Variants in SCEL observed in about 807,000 individuals in gnomAD.
The protein encoded by SCEL is sciellin.
SCEL carries 113 observed loss-of-function variants against 117.6 expected under a neutral mutation model. That is an observed-to-expected ratio of 0.96 (90% confidence interval 0.83 to 1.12). SCEL has a LOEUF of 1.12. SCEL is among the 50% of genes most tolerant of loss of function. SCEL has a pLI of 0.00. For missense variants in SCEL, 785 were observed against 810.8 expected (o/e 0.97, Z 0.39); for synonymous variants, 270 against 256.2 (o/e 1.05, Z -0.51).
intron 32 of SCEL, among the ~76,000 whole-genome samples, chr13:77,643,684 C>A (rs2090667252): frequency 6.6e-6 from 1 of 152,066 alleles, no homozygotes; most frequent in African/African-American, 2.4e-5. Flanking sequence ...TAATGAGCTA[C>A]TGGGAGACTA....
intron 19 of SCEL, among the ~76,000 whole-genome samples, chr13:77,605,466 A>G (rs2088090657): frequency 6.6e-6 from 1 of 152,204 alleles, no homozygotes. Context: ...CAGTGCGAGC[A>G]GGGAATCCAA....
At chr13:77,577,531 A>G (rs1319069667) in intron 9 of SCEL, among the ~76,000 whole-genome samples, 1 of 152,184 alleles carries the variant, frequency 6.6e-6, no homozygotes, top group Admixed American at 6.5e-5. Flanking sequence ...CATGGGGCTC[A>G]TGGGGACTAC....
chr13:77,577,373 G>A (rs644522), intron 9 of SCEL, among the ~76,000 whole-genome samples: 98,774 of 151,934 alleles, frequency 0.65, 32,581 homozygotes, highest in South Asian at 0.73. Flanking sequence ...TTCACAGGGT[G>A]GCAGGATGGA....
chr13:77,538,966 G>A (rs1301720378), intron 1 of SCEL, among the ~76,000 whole-genome samples: 1 of 152,220 alleles, frequency 6.6e-6, no homozygotes, highest in Non-Finnish European at 1.5e-5. Context: ...TGTATGGAGA[G>A]CTAATTTTAG....
chr13:77,596,441 C>T (rs1432103302), intron 12 of SCEL, among the ~76,000 whole-genome samples: 1 of 152,044 alleles, frequency 6.6e-6, no homozygotes, highest in Non-Finnish European at 1.5e-5. Context: ...ACTTGTTAGG[C>T]ATTGTGCTAA....
At position 77,569,341 on chromosome 13, in the gene SCEL, G is replaced by T. The variant is rs752813600; in HGVS notation, c.399-30G>T. ...GCTGAAATGAAAAAGTTTGAGAGTG[G>T]GATTAATTGTTGTTCTTGTCATTAA... On this transcript the variant is annotated intron_variant, in intron 7 of 32. Transcript: ENST00000349847. 23 of 1,567,028 alleles carry T rather than the reference G, an allele frequency of 1.5e-5. No homozygotes were observed. In the East Asian group the frequency reaches 2.0e-4, roughly 14 times the overall value.
intron 4 of SCEL, 88 bp downstream of exon 4, chr13:77,559,951 C>T (rs3742242): frequency 0.086 from 97,061 of 1,129,272 alleles, 7,884 homozygotes; most frequent in East Asian, 0.42. Context: ...TGAATATTTG[C>T]AGCATGCCTT....
intron 27 of SCEL, among the ~76,000 whole-genome samples, chr13:77,625,182 C>T (rs573467478): frequency 2.4e-4 from 37 of 152,280 alleles, no homozygotes; most frequent in African/African-American, 8.9e-4. Flanking sequence ...GAAATTGGAT[C>T]ATGGAATACC....
At chr13:77,558,676 C>T (rs187843012) in intron 3 of SCEL, among the ~76,000 whole-genome samples, 13 of 151,804 alleles carry the variant, frequency 8.6e-5, no homozygotes, top group African/African-American at 2.2e-4. Flanking sequence ...ATTAGCCGGG[C>T]GTGTTGGCGG....
intron 22 of SCEL, 117 bp downstream of exon 22, chr13:77,610,223 C>T (rs997504498): frequency 2.3e-5 from 13 of 565,042 alleles, no homozygotes; most frequent in Middle Eastern, 2.8e-4. Flanking sequence ...GAGGCCGAGG[C>T]GGGAGGATCA....
intron 1 of SCEL, among the ~76,000 whole-genome samples, chr13:77,552,206 A>G (rs1335772197): frequency 2.7e-5 from 4 of 150,586 alleles, no homozygotes; most frequent in African/African-American, 7.3e-5. Context: ...TTGGGTATAT[A>G]CCCAGTAATG....
rs544191043 is a variant in SCEL, at chr13:77,543,828, C to T, written c.-20+8004C>T. 9.2e-5 allele frequency among the ~76,000 whole-genome samples: 14 copies of T among 152,238 alleles called. No individual in the cohort carries two copies. The South Asian group carries it at 1.4e-3, about 16-fold the overall frequency. On this transcript the variant is annotated intron_variant, in intron 1 of 32. Transcript: ENST00000349847. The stretch of plus-strand genomic sequence containing the variant: ...TCGAGTAAATTTCTTCCTGTTGACT[C>T]CTTTTTGTTTCCCGGGCTTCTGAGA...
Position 77,559,848 on chromosome 13 carries a change from A to G in SCEL, c.206A>G (p.His69Arg), listed in dbSNP as rs149659849. 7.7e-5 allele frequency: 124 copies of G among 1,613,704 alleles called. No individual in the cohort carries two copies. The African/African-American group carries it at 1.5e-3, about 19-fold the overall frequency. Residue 69 changes from histidine (H) to arginine (R), a missense_variant, in exon 4 of 33, where the codon CAT becomes CGT. Transcript: ENST00000349847. Reference protein sequence around the residue: ...GRVVLNRHNSHDALDRKVNER... With the variant: ...GRVVLNRHNSRDALDRKVNER... ...GTGGTGCTCAACCGACATAATTCCC[A>G]TGATGCATTGGACAGGTGGGTGTTT...
At chr13:77,590,334 A>G (rs1181095580) in intron 10 of SCEL, among the ~76,000 whole-genome samples, 1 of 152,094 alleles carries the variant, frequency 6.6e-6, no homozygotes, top group Non-Finnish European at 1.5e-5. Context: ...AGTCAAGAGA[A>G]TATTTCTTCA....
At chr13:77,621,443 G>C (rs1195109122) in intron 27 of SCEL, among the ~76,000 whole-genome samples, 1 of 152,110 alleles carries the variant, frequency 6.6e-6, no homozygotes, top group Non-Finnish European at 1.5e-5. Context: ...ATCAGCTTAG[G>C]TGTCTCTCAC....
At chr13:77,600,117 G>A (rs2087555283) in intron 15 of SCEL, 1 of 177,114 alleles carries the variant, frequency 5.6e-6, no homozygotes, top group South Asian at 1.5e-4. Context: ...TAGGTGCTGG[G>A]AGCATAGCCC....
chr13:77,579,516 T>C (rs915621643), intron 9 of SCEL, among the ~76,000 whole-genome samples: 2 of 152,246 alleles, frequency 1.3e-5, no homozygotes, highest in East Asian at 1.9e-4. Flanking sequence ...TCCCTGTCTC[T>C]GTCTCTTTCT....
intron 9 of SCEL, among the ~76,000 whole-genome samples, chr13:77,587,191 A>T (rs546932318): frequency 2.0e-5 from 3 of 151,964 alleles, no homozygotes; most frequent in African/African-American, 7.2e-5. Context: ...AACCTTCCTC[A>T]CTCTGAGTCA....
chr13:77,616,791 G>C (rs1008607422), intron 24 of SCEL, among the ~76,000 whole-genome samples: 1 of 148,088 alleles, frequency 6.8e-6, no homozygotes. Flanking sequence ...TTTTATATAA[G>C]GAAAAAGCAT....
Sources: allele counts gnomAD v4.1 joint callset (sites outside exome capture counted in the v4.1 genomes callset), GRCh38; gene constraint gnomAD v4.1.1; transcripts MANE v1.5; gene names NCBI Gene and HGNC (gene_info 2026-07-23, HGNC 2026-07-21).